FNDC3B: variants seen among roughly 807,000 people sequenced by gnomAD.
FNDC3B encodes fibronectin type III domain containing 3B.
Under a neutral mutation model 151.5 loss-of-function variants are expected in FNDC3B, and 12 were observed. The ratio of observed to expected loss-of-function variants is 0.08; its 90% CI spans 0.05 to 0.13. FNDC3B has a LOEUF of 0.13. FNDC3B is among the 10% of genes least tolerant of loss of function. The probability of loss-of-function intolerance (pLI) is 1.00; values close to 1 mark genes in which losing one functional copy is unlikely to be tolerated. For missense variants in FNDC3B, 1,214 were observed against 1,505.3 expected, an observed-to-expected ratio of 0.81 and a Z score of 3.20; for synonymous variants, 528 against 549.0, an observed-to-expected ratio of 0.96 and a Z score of 0.54.
At chr3:172,226,072 C>G (rs1227061210) in intron 3 of FNDC3B, among the ~76,000 whole-genome samples, 2 of 152,038 alleles carry the variant, frequency 1.3e-5, no homozygotes, top group Non-Finnish European at 2.9e-5. Context: ...CTTTGGGAGG[C>G]CAAGGCAGGC....
rs200014738 is a variant in FNDC3B, at chr3:172,343,032, C to G, written c.1993C>G (p.Arg665Gly). Residue 665 changes from arginine (R) to glycine (G), a missense_variant, in exon 18 of 26, where the codon CGC (arginine) becomes GGC (glycine). This residue lies in a region of FNDC3B where 380 missense variants were observed against 420.9 expected (regional missense o/e 0.90). Coordinates refer to ENST00000415807, the MANE Select transcript of FNDC3B (RefSeq NM_022763.4). ...HSQCSESLPVRTLSIAPGQCR... is the reference protein window; with the variant it reads ...HSQCSESLPVGTLSIAPGQCR... ...GCAGTGTTCTGAAAGTCTCCCTGTTCGCACACTAAGCATTGCACCAGGTCA... is the reference window on the plus strand; with the variant it reads ...GCAGTGTTCTGAAAGTCTCCCTGTTGGCACACTAAGCATTGCACCAGGTCA... The G allele has an allele frequency of 6.2e-7, 1 of 1,611,412 alleles. No homozygotes were observed. Among genetic ancestry groups the G allele is most frequent in the South Asian group, 1.1e-5 (1 of 91,024 alleles).
At chr3:172,168,719 C>T (rs139084567) in intron 3 of FNDC3B, among the ~76,000 whole-genome samples, 5 of 133,176 alleles carry the variant, frequency 3.8e-5, no homozygotes, top group South Asian at 2.4e-4. Context: ...TTTTCTTTTA[C>T]TTTTTTTTTT....
At chr3:172,097,675 A>G (rs1234318917) in intron 1 of FNDC3B, among the ~76,000 whole-genome samples, 3 of 152,208 alleles carry the variant, frequency 2.0e-5, no homozygotes, top group Admixed American at 2.0e-4. Context: ...TCAGTCTTTT[A>G]AAAAATTGTG....
intron 1 of FNDC3B, among the ~76,000 whole-genome samples, chr3:172,062,249 C>T (rs62283784): frequency 3.9e-5 from 6 of 151,964 alleles, no homozygotes; most frequent in Non-Finnish European, 8.8e-5. Context: ...AATTTGCCTC[C>T]TTTCTTCCTG....
At chr3:172,044,985 G>T (rs1716291207) in intron 1 of FNDC3B, among the ~76,000 whole-genome samples, 1 of 152,124 alleles carries the variant, frequency 6.6e-6, no homozygotes, top group Non-Finnish European at 1.5e-5. Context: ...CTGAGTCTGG[G>T]TTTCCTCATT....
At position 172,278,900 on chromosome 3, in the gene FNDC3B, C is replaced by A. The variant is rs376364624; in HGVS notation, c.791-7026C>A. ...CGAGATCGCACCACTGCACTCCAGCCTGGGCAACAGAGTGAGACTCTGTCT... is the reference window on the plus strand; with the variant it reads ...CGAGATCGCACCACTGCACTCCAGCATGGGCAACAGAGTGAGACTCTGTCT... On this transcript the variant is annotated intron_variant, in intron 6 of 25. Transcript: ENST00000415807. 1.4e-3 allele frequency among the ~76,000 whole-genome samples: 208 copies of A among 152,246 alleles called. 1 individual carries two copies. Among genetic ancestry groups the A allele is most frequent in the African/African-American group, 4.3e-3 (180 of 41,544 alleles).
chr3:172,394,003 G>A (rs1736145589), intron 25 of FNDC3B, among the ~76,000 whole-genome samples: 1 of 149,984 alleles, frequency 6.7e-6, no homozygotes, highest in Non-Finnish European at 1.5e-5. Context: ...AGGTACTCGG[G>A]AGGCTGAGGC....
chr3:172,152,978 G>A (rs1191018418), intron 3 of FNDC3B, among the ~76,000 whole-genome samples: 1 of 152,098 alleles, frequency 6.6e-6, no homozygotes, highest in Non-Finnish European at 1.5e-5. Context: ...TGTTTACTGT[G>A]TTTACCGTAT....
intron 1 of FNDC3B, among the ~76,000 whole-genome samples, chr3:172,088,600 C>A (rs1031077677): frequency 6.6e-6 from 1 of 152,188 alleles, no homozygotes; most frequent in Non-Finnish European, 1.5e-5. Flanking sequence ...ATAGCTATTA[C>A]ATTTCTTTAA....
chr3:172,392,178 A>G (rs1054677204), intron 25 of FNDC3B, among the ~76,000 whole-genome samples: 1 of 152,190 alleles, frequency 6.6e-6, no homozygotes, highest in African/African-American at 2.4e-5. Context: ...GCAGTGAGAA[A>G]GGAATGGTCT....
At chr3:172,078,607 C>G (rs1232148874) in intron 1 of FNDC3B, among the ~76,000 whole-genome samples, 1 of 152,132 alleles carries the variant, frequency 6.6e-6, no homozygotes, top group East Asian at 1.9e-4. Flanking sequence ...CTTTTTCATC[C>G]TAGCTTCTTT....
At chr3:172,092,527 A>T (rs1224409695) in intron 1 of FNDC3B, among the ~76,000 whole-genome samples, 2 of 152,272 alleles carry the variant, frequency 1.3e-5, no homozygotes, top group Non-Finnish European at 2.9e-5. Flanking sequence ...AGAGGCTCAT[A>T]ATTTCAGGTA....
At chr3:172,063,893 C>G (rs1717351853) in intron 1 of FNDC3B, among the ~76,000 whole-genome samples, 1 of 151,988 alleles carries the variant, frequency 6.6e-6, no homozygotes, top group Non-Finnish European at 1.5e-5. Context: ...AAATCTAACC[C>G]CCAAGTTGAT....
chr3:172,230,224 G>A (rs2039667039), intron 4 of FNDC3B, among the ~76,000 whole-genome samples: 1 of 152,114 alleles, frequency 6.6e-6, no homozygotes, highest in Admixed American at 6.5e-5. Flanking sequence ...CTGGGACCGT[G>A]GCTCACGCCT....
At chr3:172,090,053 A>G (rs1718735819) in intron 1 of FNDC3B, among the ~76,000 whole-genome samples, 1 of 152,220 alleles carries the variant, frequency 6.6e-6, no homozygotes, top group African/African-American at 2.4e-5. Flanking sequence ...CTGCTTTAAA[A>G]TTTTTAAAAT....
chr3:172,161,992 G>GT (rs1253998034), intron 3 of FNDC3B, among the ~76,000 whole-genome samples: 5 of 148,540 alleles, frequency 3.4e-5, no homozygotes, highest in Admixed American at 1.3e-4. Flanking sequence ...TTTTTTTTGG[G>GT]GGGGGACAGA....
intron 1 of FNDC3B, among the ~76,000 whole-genome samples, chr3:172,074,328 A>T (rs1717909200): frequency 6.6e-6 from 1 of 152,228 alleles, no homozygotes; most frequent in Non-Finnish European, 1.5e-5. Context: ...TAACTCAGAA[A>T]TGTGTGCTCA....
At chr3:172,071,650 A>G (rs1349138367) in intron 1 of FNDC3B, among the ~76,000 whole-genome samples, 1 of 152,096 alleles carries the variant, frequency 6.6e-6, no homozygotes, top group African/African-American at 2.4e-5. Context: ...TGGCTAGTGA[A>G]TCTTAGTTTT....
In FNDC3B at chr3:172,115,189, C is replaced by T. The variant is rs142054563; in HGVS notation, c.111+2599C>T. Among the ~76,000 whole-genome samples, 78 of 152,306 alleles carry T rather than the reference C, an allele frequency of 5.1e-4. 1 individual carries two copies. In the East Asian group the frequency reaches 0.014, roughly 28 times the overall value. Reference sequence around the variant, plus strand: ...TGTGTCTCCTCATTCTTTCAAGCCTCAGTTCTTTCCTTTGGGTTCTAACAT... The same window carrying T: ...TGTGTCTCCTCATTCTTTCAAGCCTTAGTTCTTTCCTTTGGGTTCTAACAT... On this transcript the variant is annotated intron_variant, in intron 2 of 25. Transcript: ENST00000415807.
Sources: gnomAD v4.1 joint callset for allele counts (sites outside exome capture counted in the v4.1 genomes callset) on GRCh38, gnomAD v4.1.1 for gene constraint, gnomAD v4.1.1 regional missense constraint, MANE v1.5 for transcripts, NCBI Gene and HGNC (gene_info 2026-07-23, HGNC 2026-07-21) for gene names.